EEPD1: variants seen among roughly 807,000 people sequenced by gnomAD.
EEPD1 encodes the protein endonuclease/exonuclease/phosphatase family domain-containing protein 1.
In EEPD1, 17 loss-of-function variants were observed where a neutral mutation model predicts 46.3. The ratio of observed to expected loss-of-function variants is 0.37; its 90% CI spans 0.25 to 0.55. The LOEUF is 0.55. Among genes scored for constraint, EEPD1 ranks in the 20% least tolerant of loss-of-function variants. The probability of loss-of-function intolerance (pLI) is 0.83; values close to 1 mark genes in which losing one functional copy is unlikely to be tolerated. For synonymous variants in EEPD1, 313 were observed against 315.6 expected (o/e 0.99, Z 0.09); for missense variants, 673 against 745.6 (o/e 0.90, Z 1.13).
At chr7:36,284,414 A>T (rs765054824) in intron 4 of EEPD1, among the ~76,000 whole-genome samples, 7 of 152,232 alleles carry the variant, frequency 4.6e-5, no homozygotes, top group Non-Finnish European at 8.8e-5. Flanking sequence ...CTCTGTGCCT[A>T]GCCGGGGCTT....
At chr7:36,196,648 G>A (rs530576831) in intron 2 of EEPD1, among the ~76,000 whole-genome samples, 1 of 152,356 alleles carries the variant, frequency 6.6e-6, no homozygotes, top group Admixed American at 6.5e-5. Context: ...TCCTAGCCGC[G>A]AGTGATCTGC....
At chr7:36,224,372 G>A (rs896811201) in intron 2 of EEPD1, among the ~76,000 whole-genome samples, 4 of 152,130 alleles carry the variant, frequency 2.6e-5, no homozygotes, top group Non-Finnish European at 5.9e-5. Context: ...GATAGAAAAC[G>A]GGCCGACAGT....
At chr7:36,161,112 A>G (rs1031348715) in intron 2 of EEPD1, among the ~76,000 whole-genome samples, 1 of 152,138 alleles carries the variant, frequency 6.6e-6, no homozygotes, top group African/African-American at 2.4e-5. Flanking sequence ...AGCATCAATG[A>G]CAAATGGACC....
At chr7:36,270,702 C>A (rs1326405184) in intron 3 of EEPD1, among the ~76,000 whole-genome samples, 1 of 152,140 alleles carries the variant, frequency 6.6e-6, no homozygotes, top group South Asian at 2.1e-4. Flanking sequence ...CATCCAGTAT[C>A]ATTGATGGGC....
rs569071408 is a variant in EEPD1, at chr7:36,287,570, C to T, written c.1177-69C>T. On this transcript the variant is annotated intron_variant, in intron 5 of 7. Coordinates refer to ENST00000242108, the MANE Select transcript of EEPD1 (RefSeq NM_030636.3). ...TCTGTGCACAAAGCTATTTATGAGTCGGTTGTAACGGATACAGGAAATATG... is the reference window on the plus strand; with the variant it reads ...TCTGTGCACAAAGCTATTTATGAGTTGGTTGTAACGGATACAGGAAATATG... 2,498 of 1,553,816 alleles carry T rather than the reference C, an allele frequency of 1.6e-3. 1 individual carries two copies. Among genetic ancestry groups the T allele is most frequent in the Non-Finnish European group, 2.0e-3 (2,256 of 1,149,862 alleles).
chr7:36,235,636 C>T (rs997221553), intron 2 of EEPD1, among the ~76,000 whole-genome samples: 1 of 152,256 alleles, frequency 6.6e-6, no homozygotes, highest in South Asian at 2.1e-4. Context: ...GTCACCTGCA[C>T]ACAGTAGGGC....
At chr7:36,259,417 C>G (rs1408293602) in intron 3 of EEPD1, among the ~76,000 whole-genome samples, 1 of 152,218 alleles carries the variant, frequency 6.6e-6, no homozygotes. Flanking sequence ...TACTGTATAG[C>G]TGTATTCCGT....
chr7:36,292,301 C>A (rs534483771), intron 6 of EEPD1, among the ~76,000 whole-genome samples: 13 of 152,314 alleles, frequency 8.5e-5, no homozygotes, highest in South Asian at 8.3e-4. Flanking sequence ...TCAGAGTCAT[C>A]CAGCTGTTTT....
intron 2 of EEPD1, among the ~76,000 whole-genome samples, chr7:36,183,781 T>G (rs1014770178): frequency 2.0e-5 from 3 of 152,184 alleles, no homozygotes; most frequent in African/African-American, 7.2e-5. Context: ...ATTACAGGCA[T>G]GAGCCACTGT....
At chr7:36,259,207 G>A (rs947993490) in intron 3 of EEPD1, among the ~76,000 whole-genome samples, 6 of 152,166 alleles carry the variant, frequency 3.9e-5, no homozygotes, top group Non-Finnish European at 8.8e-5. Flanking sequence ...AGATGAGCCA[G>A]GTACCTCAGT....
chr7:36,293,105 A>T (rs1258764558), intron 6 of EEPD1, among the ~76,000 whole-genome samples: 1 of 152,212 alleles, frequency 6.6e-6, no homozygotes, highest in African/African-American at 2.4e-5. Flanking sequence ...AAAAAAATTT[A>T]AAAATAACCA....
intron 2 of EEPD1, among the ~76,000 whole-genome samples, chr7:36,227,681 T>A (rs1339213095): frequency 6.6e-6 from 1 of 151,544 alleles, no homozygotes; most frequent in Admixed American, 6.6e-5. Flanking sequence ...CACTTTGGGT[T>A]TTTTTGGTTT....
At chr7:36,179,720 AAAG>A (rs1356448181) in intron 2 of EEPD1, among the ~76,000 whole-genome samples, 10 of 151,102 alleles carry the variant, frequency 6.6e-5, no homozygotes, top group African/African-American at 1.7e-4. Flanking sequence ...AAAAAAAAAA[AAAG>A]TTTTCTGGGC....
intron 2 of EEPD1, among the ~76,000 whole-genome samples, chr7:36,170,703 A>G (rs994682483): frequency 4.6e-5 from 7 of 151,898 alleles, no homozygotes; most frequent in South Asian, 2.1e-4. Flanking sequence ...TGTCTAATCT[A>G]TAAAAATGCT....
chr7:36,239,427 G>A (rs541202964), intron 3 of EEPD1, among the ~76,000 whole-genome samples: 1 of 152,210 alleles, frequency 6.6e-6, no homozygotes, highest in Non-Finnish European at 1.5e-5. Context: ...TGGGTGTAGG[G>A]ATGATGGAAT....
At position 36,296,989 on chromosome 7, in the gene EEPD1, C is replaced by A; in HGVS notation, c.1316-4C>A. On this transcript the variant is annotated splice_polypyrimidine_tract_variant and splice_region_variant and intron_variant, in intron 6 of 7. Coordinates refer to ENST00000242108, the MANE Select transcript of EEPD1 (RefSeq NM_030636.3). ...TAAACTCATTTTCTTCCTTCCACTT[C>A]CAGGAGAAAAGGATGTCATTATCTT... 1 of 1,612,992 alleles carries A rather than the reference C, an allele frequency of 6.2e-7. No homozygotes were observed. The highest frequency in any genetic ancestry group is 8.5e-7 in the Non-Finnish European group (1 of 1,179,108).
At chr7:36,161,416 A>G (rs1784899398) in intron 2 of EEPD1, among the ~76,000 whole-genome samples, 1 of 152,110 alleles carries the variant, frequency 6.6e-6, no homozygotes, top group Admixed American at 6.5e-5. Flanking sequence ...AGACCTCAGC[A>G]TTCGGTCAGG....
intron 4 of EEPD1, among the ~76,000 whole-genome samples, chr7:36,283,307 T>C (rs192067025): frequency 3.3e-5 from 5 of 151,476 alleles, no homozygotes; most frequent in Admixed American, 6.6e-5. Context: ...CGCAGGGAAG[T>C]GGGGGTGGGG....
At chr7:36,167,502 C>T (rs2115618079) in intron 2 of EEPD1, among the ~76,000 whole-genome samples, 1 of 152,246 alleles carries the variant, frequency 6.6e-6, no homozygotes, top group Middle Eastern at 3.4e-3. Flanking sequence ...GCACTTCTCT[C>T]CTTCAGATTT....
Sources: allele counts gnomAD v4.1 joint callset (sites outside exome capture counted in the v4.1 genomes callset), GRCh38; gene constraint gnomAD v4.1.1; transcripts MANE v1.5; gene names NCBI Gene and HGNC (gene_info 2026-07-23, HGNC 2026-07-21).